Variants in UXS1 observed in about 807,000 individuals in gnomAD.
The protein encoded by UXS1 is UDP-glucuronate decarboxylase 1, also known as UDP-glucuronic acid decarboxylase 1.
In UXS1, 33 loss-of-function variants were observed where a neutral mutation model predicts 62.6. That is an observed-to-expected ratio of 0.53 (90% CI 0.40 to 0.70). The LOEUF (loss-of-function observed/expected upper bound fraction) is 0.70. Ranked by LOEUF, UXS1 falls within the 30% of genes least tolerant of loss-of-function variation. UXS1 has a pLI of 0.00. For missense variants in UXS1, 434 were observed against 556.3 expected (o/e 0.78, Z 2.21); for synonymous variants, 213 against 206.8 (o/e 1.03, Z -0.26).
intron 5 of UXS1, 64 bp downstream of exon 5, chr2:106,157,994 T>C (rs1682579455): frequency 7.4e-7 from 1 of 1,346,190 alleles, no homozygotes; most frequent in Non-Finnish European, 1.0e-6. Flanking sequence ...ATATGTGAAT[T>C]ATCTCTCAAC....
At chr2:106,098,357 G>T (rs1158042948) in intron 13 of UXS1, among the ~76,000 whole-genome samples, 1 of 152,204 alleles carries the variant, frequency 6.6e-6, no homozygotes, top group Non-Finnish European at 1.5e-5. Context: ...CACGCAGCTG[G>T]TGGTTGCTGT....
Position 106,101,129 on chromosome 2 carries a change from AG to A in UXS1, c.924-12del, listed in dbSNP as rs751156071. 7.4e-6 allele frequency: 12 copies of A among 1,613,610 alleles called. No homozygotes were observed. The highest frequency in any genetic ancestry group is 8.5e-6 in the Non-Finnish European group (10 of 1,179,776). On this transcript the variant is annotated splice_polypyrimidine_tract_variant and intron_variant, in intron 11 of 14. Transcript: ENST00000283148. ...CCATTCACTAGATCGCTGGAAAAAA[AG>A]GGGAGGCAGGTGAGGCTCTGCCTGC... is the stretch of plus-strand genomic sequence containing the variant.
chr2:106,102,095 T>C (rs965865455), intron 11 of UXS1: 1 of 152,260 alleles, frequency 6.6e-6, no homozygotes, highest in Admixed American at 6.5e-5. Context: ...ATCAGATATT[T>C]CTGCGTTTTC....
chr2:106,115,559 C>T (rs1678994745), intron 9 of UXS1, among the ~76,000 whole-genome samples: 1 of 152,182 alleles, frequency 6.6e-6, no homozygotes, highest in African/African-American at 2.4e-5. Flanking sequence ...AAGACAACTC[C>T]TACAAGCCTG....
At chr2:106,162,690 T>C (rs1682970492) in intron 4 of UXS1, among the ~76,000 whole-genome samples, 1 of 152,240 alleles carries the variant, frequency 6.6e-6, no homozygotes, top group African/African-American at 2.4e-5. Context: ...AACAACCTTA[T>C]ATTACTAAGG....
At chr2:106,128,568 G>A (rs1322016954) in intron 7 of UXS1, among the ~76,000 whole-genome samples, 1 of 152,156 alleles carries the variant, frequency 6.6e-6, no homozygotes, top group East Asian at 1.9e-4. Flanking sequence ...TGCTTACACA[G>A]AACATCGATC....
chr2:106,108,737 G>A (rs1039779127), intron 10 of UXS1, among the ~76,000 whole-genome samples: 1 of 152,142 alleles, frequency 6.6e-6, no homozygotes, highest in African/African-American at 2.4e-5. Context: ...GACCGGCCGG[G>A]GGTGAGGGGC....
intron 1 of UXS1, among the ~76,000 whole-genome samples, chr2:106,183,240 TAAA>T (rs56060452): frequency 0.07 from 9,518 of 135,882 alleles, 468 homozygotes; most frequent in East Asian, 0.26. Context: ...AAGTCTTTTT[TAAA>T]AAAAAAAAAA....
intron 5 of UXS1, 59 bp downstream of exon 5, chr2:106,157,999 C>A: frequency 7.2e-7 from 1 of 1,395,882 alleles, no homozygotes; most frequent in Non-Finnish European, 9.9e-7. Context: ...TGAATTATCT[C>A]TCAACGAAAA....
intron 5 of UXS1, among the ~76,000 whole-genome samples, chr2:106,155,157 C>T (rs566179196): frequency 6.6e-5 from 10 of 152,308 alleles, no homozygotes; most frequent in African/African-American, 2.4e-4. Flanking sequence ...TAGGCCCCAC[C>T]TCCAACACTG....
chr2:106,179,628 C>T (rs1684116553), intron 1 of UXS1: 1 of 152,214 alleles, frequency 6.6e-6, no homozygotes. Context: ...GCATTCTATC[C>T]TTAAGGGGTT....
chr2:106,150,988 T>C (rs190208184), intron 5 of UXS1, among the ~76,000 whole-genome samples: 5 of 152,328 alleles, frequency 3.3e-5, no homozygotes, highest in African/African-American at 1.2e-4. Context: ...CTGTTGGGTT[T>C]TGGACTTACT....
chr2:106,139,041 A>G (rs2104973238), intron 6 of UXS1, among the ~76,000 whole-genome samples: 1 of 152,318 alleles, frequency 6.6e-6, no homozygotes, highest in Middle Eastern at 3.4e-3. Flanking sequence ...CGGAATATAA[A>G]TAAAGCAGCA....
intron 9 of UXS1, among the ~76,000 whole-genome samples, chr2:106,114,436 T>G (rs1232433190): frequency 6.6e-6 from 1 of 152,004 alleles, no homozygotes; most frequent in Non-Finnish European, 1.5e-5. Context: ...CAACAGAAAA[T>G]GACTCAGAAG....
At chr2:106,144,126 T>C (rs1035142018) in intron 6 of UXS1, among the ~76,000 whole-genome samples, 1 of 152,214 alleles carries the variant, frequency 6.6e-6, no homozygotes, top group African/African-American at 2.4e-5. Flanking sequence ...GTCACATGTA[T>C]GACCTCAGTT....
At chr2:106,165,029 T>A (rs1683124692) in intron 2 of UXS1, among the ~76,000 whole-genome samples, 1 of 152,244 alleles carries the variant, frequency 6.6e-6, no homozygotes, top group African/African-American at 2.4e-5. Context: ...ATGGATTATT[T>A]CCACTAAACT....
rs566472845 is a variant in UXS1, at chr2:106,189,439, T to C, written c.94+4709A>G. Reference sequence around the variant, plus strand: ...GGGTTCTGCAAGCTGAGTATCATCATTGTCAAGCTGAGTTCAGAACCTAAC... The same window carrying C: ...GGGTTCTGCAAGCTGAGTATCATCACTGTCAAGCTGAGTTCAGAACCTAAC... On this transcript the variant is annotated intron_variant, in intron 1 of 14. Coordinates refer to ENST00000283148, the MANE Select transcript of UXS1 (RefSeq NM_001253875.2). Among the ~76,000 whole-genome samples, 11 of 152,300 alleles carry C rather than the reference T, an allele frequency of 7.2e-5. No homozygotes were observed. In the South Asian group the frequency reaches 8.3e-4, roughly 11 times the overall value.
intron 8 of UXS1, among the ~76,000 whole-genome samples, chr2:106,124,665 G>C (rs1403197206): frequency 1.3e-5 from 2 of 152,122 alleles, no homozygotes; most frequent in African/African-American, 4.8e-5. Flanking sequence ...GATGGCTGTG[G>C]GAAAGATGTC....
intron 6 of UXS1, chr2:106,138,100 G>C: frequency 4.5e-6 from 4 of 880,566 alleles, no homozygotes; most frequent in Non-Finnish European, 5.4e-6. Context: ...TAAAGGCTAA[G>C]AGGGAAGAAG....
Sources: gnomAD v4.1 joint callset for allele counts (sites outside exome capture counted in the v4.1 genomes callset) on GRCh38, gnomAD v4.1.1 for gene constraint, MANE v1.5 for transcripts, NCBI Gene and HGNC (gene_info 2026-07-23, HGNC 2026-07-21) for gene names.